MRTFB: variants seen among roughly 807,000 people sequenced by gnomAD.
MRTFB encodes the protein myocardin related transcription factor B.
Under a neutral mutation model 104.2 loss-of-function variants are expected in MRTFB, and 29 were observed. That is an observed-to-expected ratio of 0.28 (90% CI 0.21 to 0.38). MRTFB has a LOEUF of 0.38. Among genes scored for constraint, MRTFB ranks in the 10% least tolerant of loss-of-function variants. The pLI is 1.00. For synonymous variants in MRTFB, 535 were observed against 519.5 expected (o/e 1.03, Z -0.41); for missense variants, 1,270 against 1,341.6 (o/e 0.95, Z 0.83).
At chr16:14,034,282 C>A in the MRTFB span, among the ~76,000 whole-genome samples, 2 of 152,190 alleles carry the variant, frequency 1.3e-5, no homozygotes, top group Non-Finnish European at 2.9e-5. Context: ...CACCTCTCTT[C>A]CAGCTTCTGG....
upstream of MRTFB, among the ~76,000 whole-genome samples, chr16:14,069,073 G>A (rs2033550893): frequency 6.8e-6 from 1 of 147,406 alleles, no homozygotes; most frequent in African/African-American, 2.5e-5. Context: ...AGGTTCAAGC[G>A]ATTCTCCTGC....
chr16:14,016,505 G>A, the MRTFB span, among the ~76,000 whole-genome samples: 2 of 152,074 alleles, frequency 1.3e-5, no homozygotes, highest in Admixed American at 6.5e-5. Context: ...GGGCGCGGTG[G>A]CTCACGCCTG....
chr16:14,262,557 C>G lies in MRTFB; in HGVS notation c.*1113C>G, dbSNP rs2043815116. 1 of 152,242 alleles carries G rather than the reference C, an allele frequency of 6.6e-6. No individual in the cohort carries two copies. The highest frequency in any genetic ancestry group is 1.5e-5 in the Non-Finnish European group (1 of 68,058). The allele number at this position is 152,242 out of a possible 1,614,324, so 9.4% of individuals were successfully genotyped here. A position where few individuals can be genotyped will look rare whatever the true frequency, so the allele number is the denominator to read the frequency against. ...GCCTCCACGTCCCTGCCCTGGCCCTCTTTCTTCTGTCACTAACCCTGGTTA... is the reference window on the plus strand; with the variant it reads ...GCCTCCACGTCCCTGCCCTGGCCCTGTTTCTTCTGTCACTAACCCTGGTTA... On this transcript the variant is annotated 3_prime_UTR_variant, in exon 17 of 17. Coordinates refer to ENST00000571589, the MANE Select transcript of MRTFB (RefSeq NM_001308142.2).
chr16:14,058,985 G>T, the MRTFB span, among the ~76,000 whole-genome samples: 234 of 152,070 alleles, frequency 1.5e-3, no homozygotes, highest in African/African-American at 5.3e-3. Flanking sequence ...CTCCCAAAGT[G>T]CTGGGATTAC....
intron 2 of MRTFB, among the ~76,000 whole-genome samples, chr16:14,090,149 G>T (rs147012607): frequency 6.6e-6 from 1 of 152,026 alleles, no homozygotes; most frequent in African/African-American, 2.4e-5. Flanking sequence ...TAATTTTGAT[G>T]AAGTCCAGTT....
chr16:14,077,170 A>G (rs926170520), intron 1 of MRTFB, among the ~76,000 whole-genome samples: 3 of 152,182 alleles, frequency 2.0e-5, no homozygotes, highest in Non-Finnish European at 4.4e-5. Flanking sequence ...TCTGGATTTT[A>G]CGTCAAAGGC....
intron 2 of MRTFB, among the ~76,000 whole-genome samples, chr16:14,113,542 T>A (rs2036384818): frequency 6.6e-6 from 1 of 152,080 alleles, no homozygotes. Context: ...GGGTGTAGGA[T>A]GTGATTGTTA....
At chr16:14,213,500 A>G (rs564104315) in intron 5 of MRTFB, 45 bp from the exon 6 acceptor site, 9 of 1,352,062 alleles carry the variant, frequency 6.7e-6, no homozygotes, top group East Asian at 2.3e-5. Context: ...TAAAACCACA[A>G]TAAATAATAA....
intron 3 of MRTFB, among the ~76,000 whole-genome samples, chr16:14,164,540 T>A: frequency 6.6e-6 from 1 of 152,214 alleles, no homozygotes; most frequent in Admixed American, 6.5e-5. Flanking sequence ...ATATCTTTGC[T>A]ATTGTGATTA....
the MRTFB span, among the ~76,000 whole-genome samples, chr16:14,038,886 CA>C: frequency 1.3e-5 from 2 of 152,052 alleles, no homozygotes; most frequent in South Asian, 4.2e-4. Flanking sequence ...TGGCAGAAGG[CA>C]AAAGGCACAT....
chr16:14,114,833 G>A (rs1368589867), intron 2 of MRTFB, among the ~76,000 whole-genome samples: 2 of 152,140 alleles, frequency 1.3e-5, no homozygotes, highest in Non-Finnish European at 2.9e-5. Context: ...GTAATTATAT[G>A]CTTCCTGTCC....
the MRTFB span, among the ~76,000 whole-genome samples, chr16:14,055,898 C>A: frequency 6.6e-6 from 1 of 152,084 alleles, no homozygotes; most frequent in Non-Finnish European, 1.5e-5. Flanking sequence ...ATCCATGGAT[C>A]TTACCTGCAG....
chr16:14,041,788 TG>T, the MRTFB span, among the ~76,000 whole-genome samples: 4 of 151,866 alleles, frequency 2.6e-5, no homozygotes, highest in Admixed American at 6.6e-5. Flanking sequence ...TAGCCAGGCG[TG>T]GTGGCACATG....
Position 14,258,087 on chromosome 16 carries a change from C to T in MRTFB, c.2704-14C>T, listed in dbSNP as rs770620950. 2 of 1,611,506 alleles carry T rather than the reference C, an allele frequency of 1.2e-6. No homozygotes were observed. Among genetic ancestry groups the T allele is most frequent in the Non-Finnish European group, 1.7e-6 (2 of 1,177,750 alleles). Reference sequence around the variant, plus strand: ...GTATGAAAGAAACCTAATTTGTACTCTCCTTCATTGTAGATTTCCAACGCT... The same window carrying T: ...GTATGAAAGAAACCTAATTTGTACTTTCCTTCATTGTAGATTTCCAACGCT... On this transcript the variant is annotated splice_polypyrimidine_tract_variant and intron_variant, in intron 15 of 16. Coordinates refer to ENST00000571589, the MANE Select transcript of MRTFB (RefSeq NM_001308142.2).
the MRTFB span, among the ~76,000 whole-genome samples, chr16:14,011,016 G>A: frequency 1.3e-5 from 2 of 152,220 alleles, no homozygotes; most frequent in Admixed American, 1.3e-4. Context: ...TGGGCCCCAG[G>A]CATAAGGTGA....
At chr16:14,083,321 T>TCCTTTCCTA (rs1243252992) in intron 2 of MRTFB, among the ~76,000 whole-genome samples, 1 of 152,198 alleles carries the variant, frequency 6.6e-6, no homozygotes, top group African/African-American at 2.4e-5. Flanking sequence ...TTTTACTTCT[T>TCCTTTCCTA]CCTTTCCTAA....
At chr16:14,200,785 T>C (rs2040664554) in intron 3 of MRTFB, 14 of 1,467,450 alleles carry the variant, frequency 9.5e-6, no homozygotes, top group Non-Finnish European at 1.1e-5. Flanking sequence ...TTGCCTTCAG[T>C]GCACGCTTCT....
intron 3 of MRTFB, chr16:14,143,161 C>CTTTTT (rs58550641): frequency 1.3e-4 from 13 of 102,174 alleles, no homozygotes; most frequent in Non-Finnish European, 1.8e-4. Flanking sequence ...CTGAACATTT[C>CTTTTT]TTTTTTTTTT....
At chr16:14,165,381 GATGT>G (rs1421203670) in intron 3 of MRTFB, among the ~76,000 whole-genome samples, 1 of 152,132 alleles carries the variant, frequency 6.6e-6, no homozygotes, top group Admixed American at 6.6e-5. Context: ...TGATCTTTCT[GATGT>G]ATGTATTTAG....
Sources: allele counts gnomAD v4.1 joint callset (sites outside exome capture counted in the v4.1 genomes callset), GRCh38; gene constraint gnomAD v4.1.1; transcripts MANE v1.5; gene names NCBI Gene and HGNC (gene_info 2026-07-23, HGNC 2026-07-21).